The following CPLX4 variants were observed in gnomAD, a reference collection of about 807,000 sequenced individuals.
The protein encoded by CPLX4 is complexin-4.
CPLX4 carries 17 observed loss-of-function variants against 16.1 expected under a neutral mutation model. That is an observed-to-expected ratio of 1.06 (90% CI 0.72 to 1.59). The LOEUF (loss-of-function observed/expected upper bound fraction) is 1.59, where lower values mean the gene tolerates loss of function less well. Ranked by LOEUF, CPLX4 falls within the 40% of genes most tolerant of loss-of-function variation. The pLI, the probability that CPLX4 is intolerant of heterozygous loss-of-function variation, is 0.00. For missense variants in CPLX4, 193 were observed against 192.9 expected (o/e 1.00, Z 0.00); for synonymous variants, 55 against 57.8 (o/e 0.95, Z 0.22).
chr18:59,314,181 G>A (rs1197454841), intron 1 of CPLX4, among the ~76,000 whole-genome samples: 1 of 152,132 alleles, frequency 6.6e-6, no homozygotes, highest in East Asian at 1.9e-4. Flanking sequence ...GTTTTGGAGA[G>A]GGACATCGAA....
intron 2 of CPLX4, 146 bp from the exon 3 acceptor site, chr18:59,297,071 A>C: frequency 7.5e-7 from 1 of 1,339,938 alleles, no homozygotes; most frequent in Middle Eastern, 2.7e-4. Context: ...CCTGGTCCTG[A>C]TGGCAGTTGT....
At chr18:59,306,378 G>GATACAT (rs1288121370) in intron 2 of CPLX4, among the ~76,000 whole-genome samples, 1 of 152,208 alleles carries the variant, frequency 6.6e-6, no homozygotes, top group African/African-American at 2.4e-5. Context: ...GACTGGTATA[G>GATACAT]ATACATATAC....
intron 1 of CPLX4, among the ~76,000 whole-genome samples, chr18:59,313,615 G>A (rs4108696): frequency 1.3e-5 from 2 of 152,080 alleles, no homozygotes; most frequent in Non-Finnish European, 2.9e-5. Context: ...GGCTATATTG[G>A]GTTAGACCAA....
chr18:59,308,560 T>A (rs1305800104), intron 2 of CPLX4, among the ~76,000 whole-genome samples: 5 of 150,788 alleles, frequency 3.3e-5, no homozygotes, highest in East Asian at 3.9e-4. Context: ...TTTTTTTTTT[T>A]AAGTCACCTC....
rs1288875986 is a variant in CPLX4 at position 59,296,663 on chromosome 18, G to C, written c.*35C>G. On this transcript the variant is annotated 3_prime_UTR_variant, in exon 3 of 3. Transcript: ENST00000299721. ...CCACAAGAGAGTGGTCTTTTCCAAG[G>C]ATGGCTGGTTCCCTCCCTCCACCCC... 6.2e-7 allele frequency: 1 copy of C among 1,606,414 alleles called. No individual in the cohort carries two copies. Among genetic ancestry groups the C allele is most frequent in the South Asian group, 1.1e-5 (1 of 90,154 alleles).
In CPLX4 at chr18:59,296,466, T is replaced by G; in HGVS notation, c.*232A>C. 1 of 562,030 alleles carries G rather than the reference T, an allele frequency of 1.8e-6. No homozygotes were observed. The highest frequency in any genetic ancestry group is 3.1e-6 in the Non-Finnish European group (1 of 321,860). 34.8% of individuals were successfully genotyped at this position (562,030 alleles called of 1,614,324 possible). A position where few individuals can be genotyped will look rare whatever the true frequency, so the allele number is the denominator to read the frequency against. Reference sequence around the variant, plus strand: ...CTGCATCATCATTTACAACTGAAATTTTCCAGTTTATCTCATTTATAACTA... The same window carrying G: ...CTGCATCATCATTTACAACTGAAATGTTCCAGTTTATCTCATTTATAACTA... On this transcript the variant is annotated 3_prime_UTR_variant, in exon 3 of 3. Transcript: ENST00000299721.
intron 1 of CPLX4, among the ~76,000 whole-genome samples, chr18:59,317,020 C>A (rs777147128): frequency 6.6e-6 from 1 of 152,084 alleles, no homozygotes; most frequent in Non-Finnish European, 1.5e-5. Flanking sequence ...AGTCTTAGCA[C>A]CATCATTTTT....
chr18:59,310,356 G>C (rs1246641532), intron 2 of CPLX4, among the ~76,000 whole-genome samples: 1 of 152,062 alleles, frequency 6.6e-6, no homozygotes, highest in Non-Finnish European at 1.5e-5. Context: ...TGTTGGAAAG[G>C]CTCTTGTTTC....
chr18:59,313,878 A>G (rs982951774), intron 1 of CPLX4, among the ~76,000 whole-genome samples: 1 of 152,234 alleles, frequency 6.6e-6, no homozygotes, highest in Admixed American at 6.5e-5. Flanking sequence ...GTGAGGCCTG[A>G]TGGGAATTCT....
chr18:59,318,437 A>G lies in CPLX4; in HGVS notation c.26T>C (p.Ile9Thr). 1.2e-6 allele frequency: 2 copies of G among 1,611,774 alleles called. No individual in the cohort carries two copies. Among genetic ancestry groups the G allele is most frequent in the South Asian group, 1.1e-5 (1 of 90,556 alleles). The change falls in exon 1 of 3, where the codon ATA (isoleucine) becomes ACA (threonine). Residue 9 changes from isoleucine (I) to threonine (T), a missense_variant. Physicochemically the swap from Ile to Thr is moderately conservative, Grantham distance 89. Transcript: ENST00000299721. MAFLMKSM[I>T]SNQVKNLGFG... ...TCCTAAATTCTTTACCTGGTTACTT[A>G]TCATACTTTTCATAAGGAAAGCCAT...
At position 59,296,915 on chromosome 18, in the gene CPLX4, T is replaced by G; in HGVS notation, c.266A>C (p.Asp89Ala). The G allele has an allele frequency of 6.2e-7, 1 of 1,607,534 alleles. No individual in the cohort carries two copies. Residue 89 changes from aspartate to alanine, a missense_variant, in exon 3 of 3, where the codon GAT becomes GCT. Transcript: ENST00000299721. ...TCCAGCCATCTGGATTTGATTCTCA[T>G]CCATTTCACTCTATGTGAAAAATAA... ...EKYRLPKSEM[D>A]ENQIQMAGDD...
chr18:59,305,822 GAGA>G (rs1199932425), intron 2 of CPLX4, among the ~76,000 whole-genome samples: 2 of 152,222 alleles, frequency 1.3e-5, no homozygotes, highest in Non-Finnish European at 2.9e-5. Flanking sequence ...AGGCTCGAGT[GAGA>G]AGAAGAGCCA....
chr18:59,307,753 AT>A (rs527371314), intron 2 of CPLX4, among the ~76,000 whole-genome samples: 1,427 of 130,918 alleles, frequency 0.011, 31 homozygotes, highest in African/African-American at 0.031. Flanking sequence ...TGTTTTTCTG[AT>A]TTTTTTTTTT....
intron 2 of CPLX4, among the ~76,000 whole-genome samples, chr18:59,302,690 T>G (rs1287404113): frequency 6.6e-6 from 1 of 152,228 alleles, no homozygotes; most frequent in Non-Finnish European, 1.5e-5. Flanking sequence ...TCATTTCCTG[T>G]GACTGATGCC....
chr18:59,313,814 G>T (rs1010876116), intron 1 of CPLX4, among the ~76,000 whole-genome samples: 1 of 152,208 alleles, frequency 6.6e-6, no homozygotes, highest in African/African-American at 2.4e-5. Context: ...TAAGAGATAG[G>T]GAAAGAGTGC....
intron 1 of CPLX4, among the ~76,000 whole-genome samples, chr18:59,317,168 T>C (rs2070656603): frequency 6.6e-6 from 1 of 152,212 alleles, no homozygotes; most frequent in African/African-American, 2.4e-5. Context: ...ACGTAGTCTT[T>C]GTACTTTCTT....
chr18:59,307,261 T>C (rs1247789062), intron 2 of CPLX4, among the ~76,000 whole-genome samples: 1 of 152,188 alleles, frequency 6.6e-6, no homozygotes, highest in East Asian at 1.9e-4. Context: ...AGTGCACACA[T>C]ATGGTATGTG....
chr18:59,299,017 C>T (rs761479063), intron 2 of CPLX4, among the ~76,000 whole-genome samples: 1 of 152,214 alleles, frequency 6.6e-6, no homozygotes, highest in Admixed American at 6.5e-5. Context: ...TCCCACTCCG[C>T]GCCAGCCTCC....
Position 59,312,777 on chromosome 18 carries a change from A to G in CPLX4, c.168-5T>C. 1 of 1,205,522 alleles carries G rather than the reference A, an allele frequency of 8.3e-7. No individual in the cohort carries two copies. Among genetic ancestry groups the G allele is most frequent in the Non-Finnish European group, 1.2e-6 (1 of 808,150 alleles). The allele number at this position is 1,205,522 out of a possible 1,614,324, so 74.7% of individuals were successfully genotyped here. On this transcript the variant is annotated splice_region_variant and splice_polypyrimidine_tract_variant and intron_variant, in intron 1 of 2. Transcript: ENST00000299721. ...AATGCAGCATCTCTTTCCATCCTAA[A>G]AGTTAAAGAATAAAGGATCAGAAGG...
Sources: gnomAD v4.1 joint callset for allele counts (sites outside exome capture counted in the v4.1 genomes callset) on GRCh38, gnomAD v4.1.1 for gene constraint, MANE v1.5 for transcripts, NCBI Gene and HGNC (gene_info 2026-07-23, HGNC 2026-07-21) for gene names.